Variants in ZBED3 observed in about 807,000 individuals in gnomAD.
ZBED3 encodes the protein zinc finger BED-type containing 3.
For synonymous variants in ZBED3, 175 were observed against 180.0 expected (o/e 0.97, Z 0.22); for missense variants, 388 against 362.9 (o/e 1.07, Z -0.56).
At chr5:77,086,593 T>C (rs1289295699) in intron 1 of ZBED3, 1 of 128,098 alleles carries the variant, frequency 7.8e-6, no homozygotes, top group Non-Finnish European at 1.6e-5. Context: ...CAGAAACTGC[T>C]CCAGCGGACT....
chr5:77,085,300 A>G (rs934169869), intron 1 of ZBED3, among the ~76,000 whole-genome samples: 1 of 152,258 alleles, frequency 6.6e-6, no homozygotes, highest in Admixed American at 6.5e-5. Flanking sequence ...AGGTATGACT[A>G]TAATATTGAG....
In ZBED3 at chr5:77,073,243, A is replaced by G. The variant is rs1404342076; in HGVS notation, c.*3931T>C. 2 of 152,204 alleles carry G rather than the reference A, an allele frequency of 1.3e-5. No homozygotes were observed. The highest frequency in any genetic ancestry group is 1.9e-4 in the East Asian group (1 of 5,200). The allele number at this position is 152,204 out of a possible 1,614,324, so 9.4% of individuals were successfully genotyped here. ...CAGGACATTCAGGCTCGCACTAGCC[A>G]TCTTTGAGGGAGTAGTTAAGATTCT... is the stretch of plus-strand genomic sequence containing the variant. On this transcript the variant is annotated 3_prime_UTR_variant, in exon 3 of 3. Transcript: ENST00000255198.
chr5:77,081,619 G>A (rs1743131266), intron 1 of ZBED3, among the ~76,000 whole-genome samples: 1 of 151,978 alleles, frequency 6.6e-6, no homozygotes, highest in Admixed American at 6.5e-5. Context: ...CAAAGTGCTG[G>A]GATTACAGTC....
chr5:77,073,644 C>T lies in ZBED3; in HGVS notation c.*3530G>A, dbSNP rs908850270. ...AAACCAAACAGTCCAATAACTGACG[C>T]ATTAAATCTTTATTGACTAAACAGC... On this transcript the variant is annotated 3_prime_UTR_variant, in exon 3 of 3. Transcript: ENST00000255198. 2 of 152,122 alleles carry T rather than the reference C, an allele frequency of 1.3e-5. No individual in the cohort carries two copies. The highest frequency in any genetic ancestry group is 4.8e-5 in the African/African-American group (2 of 41,396). The allele number at this position is 152,122 out of a possible 1,614,324, so 9.4% of individuals were successfully genotyped here.
chr5:77,074,033 A>C lies in ZBED3; in HGVS notation c.*3141T>G, dbSNP rs1330469152. 6.6e-6 allele frequency: 1 copy of C among 152,250 alleles called. No homozygotes were observed. The highest frequency in any genetic ancestry group is 1.5e-5 in the Non-Finnish European group (1 of 68,070). 9.4% of individuals were successfully genotyped at this position (152,250 alleles called of 1,614,324 possible). Reference sequence around the variant, plus strand: ...CATGTGTGGGATGTTTTTTGTATCGAGACTGAAGAGGCTTTTTAAAGTGGA... The same window carrying C: ...CATGTGTGGGATGTTTTTTGTATCGCGACTGAAGAGGCTTTTTAAAGTGGA... On this transcript the variant is annotated 3_prime_UTR_variant, in exon 3 of 3. Transcript: ENST00000255198.
In ZBED3 at chr5:77,075,417, A is replaced by C. The variant is rs1742955256; in HGVS notation, c.*1757T>G. 1 of 152,178 alleles carries C rather than the reference A, an allele frequency of 6.6e-6. No individual in the cohort carries two copies. 9.4% of individuals were successfully genotyped at this position (152,178 alleles called of 1,614,324 possible). A position where few individuals can be genotyped will look rare whatever the true frequency, so the allele number is the denominator to read the frequency against. On this transcript the variant is annotated 3_prime_UTR_variant, in exon 3 of 3. Coordinates refer to ENST00000255198, the MANE Select transcript of ZBED3 (RefSeq NM_032367.4). ...TTCTGGAGACAATTGTTGAATACTG[A>C]TTAAGGGCTCTGTATTAGAGGCTAT...
intron 1 of ZBED3, among the ~76,000 whole-genome samples, chr5:77,080,850 G>C (rs1743114338): frequency 6.6e-6 from 1 of 152,186 alleles, no homozygotes; most frequent in Non-Finnish European, 1.5e-5. Context: ...GAGTTAACGG[G>C]TGCAGCACAC....
At chr5:77,086,599 G>A (rs558359663) in intron 1 of ZBED3, 2 of 147,188 alleles carry the variant, frequency 1.4e-5, no homozygotes, top group East Asian at 2.1e-4. Flanking sequence ...CTGCTCCAGC[G>A]GACTCCGAAA....
At position 77,073,372 on chromosome 5, in the gene ZBED3, T is replaced by C. The variant is rs1453657372; in HGVS notation, c.*3802A>G. 6.6e-6 allele frequency: 1 copy of C among 152,178 alleles called. No individual in the cohort carries two copies. Among genetic ancestry groups the C allele is most frequent in the Non-Finnish European group, 1.5e-5 (1 of 68,028 alleles). The allele number at this position is 152,178 out of a possible 1,614,324, so 9.4% of individuals were successfully genotyped here. On this transcript the variant is annotated 3_prime_UTR_variant, in exon 3 of 3. Transcript: ENST00000255198. ...TTCTAAAAAGGAAATTCAGATCATC[T>C]AGCCCAATTTATAAATCCATATGAA...
rs1284032590 is a variant in ZBED3 at position 77,077,433 on chromosome 5, T to C, written c.446A>G (p.Glu149Gly). The C allele has an allele frequency of 8.2e-7, 1 of 1,220,766 alleles. No homozygotes were observed. The highest frequency in any genetic ancestry group is 1.0e-6 in the Non-Finnish European group (1 of 979,192). The allele number at this position is 1,220,766 out of a possible 1,614,324, so 75.6% of individuals were successfully genotyped here. A position where few individuals can be genotyped will look rare whatever the true frequency, so the allele number is the denominator to read the frequency against. ...LAVRGSRRER[E>G]LERRELAVEQ... is the part of the protein sequence containing the mutation. ...CACGGCCAGCTCGCGCCGCTCCAGC[T>C]CCCGCTCCCGCCGGCTGCCGCGCAC... Residue 149 changes from glutamate (E) to glycine (G), a missense_variant, in exon 3 of 3, where the codon GAG becomes GGG. Coordinates refer to ENST00000255198, the MANE Select transcript of ZBED3 (RefSeq NM_032367.4).
intron 1 of ZBED3, among the ~76,000 whole-genome samples, chr5:77,081,987 C>T (rs1743137597): frequency 1.3e-5 from 2 of 152,140 alleles, no homozygotes; most frequent in Non-Finnish European, 2.9e-5. Context: ...AAAATAGAGG[C>T]TGGGCTCGGT....
chr5:77,075,975 ATATATG>A lies in ZBED3; in HGVS notation c.*1193_*1198del, dbSNP rs1206934489. ...TATATATATATATATATGTATATGT[ATATATG>A]TATATATATATGTATATATGTATAT... On this transcript the variant is annotated 3_prime_UTR_variant, in exon 3 of 3. Coordinates refer to ENST00000255198, the MANE Select transcript of ZBED3 (RefSeq NM_032367.4). The A allele has an allele frequency of 5.8e-5, 2 of 34,402 alleles. No individual in the cohort carries two copies. The highest frequency in any genetic ancestry group is 2.8e-4 in the African/African-American group (2 of 7,030). The allele number at this position is 34,402 out of a possible 1,614,324, so 2.1% of individuals were successfully genotyped here.
In ZBED3 at chr5:77,077,814, C is replaced by A. The variant is rs1424672007; in HGVS notation, c.65G>T (p.Arg22Leu). 11 of 1,296,850 alleles carry A rather than the reference C, an allele frequency of 8.5e-6. No individual in the cohort carries two copies. The highest frequency in any genetic ancestry group is 1.1e-5 in the Non-Finnish European group (11 of 1,028,214). 80.3% of individuals were successfully genotyped at this position (1,296,850 alleles called of 1,614,324 possible). A position where few individuals can be genotyped will look rare whatever the true frequency, so the allele number is the denominator to read the frequency against. ...QARGLDDAAA[R>L]GGQCPGLGPA... Reference sequence around the variant, plus strand: ...CCCCAGTCCCGGACACTGACCGCCCCGCGCCGCCGCGTCGTCCAGCCCGCG... The same window carrying A: ...CCCCAGTCCCGGACACTGACCGCCCAGCGCCGCCGCGTCGTCCAGCCCGCG... The change falls in exon 3 of 3, where the codon CGG (arginine) becomes CTG (leucine). Residue 22 changes from arginine to leucine, a missense_variant. Coordinates refer to ENST00000255198, the MANE Select transcript of ZBED3 (RefSeq NM_032367.4).
Position 77,077,798 on chromosome 5 carries a change from C to A in ZBED3, c.81G>T (p.Pro27=). ...TCGGCGTCGGCGCCGGCCCCAGTCCCGGACACTGACCGCCCCGCGCCGCCG... is the reference window on the plus strand; with the variant it reads ...TCGGCGTCGGCGCCGGCCCCAGTCCAGGACACTGACCGCCCCGCGCCGCCG... ...DDAAARGGQC[P]GLGPAPTPTP... The change falls in exon 3 of 3, where the codon CCG becomes CCT. Residue 27 remains proline (P), a synonymous_variant. Transcript: ENST00000255198. 7.7e-7 allele frequency: 1 copy of A among 1,306,994 alleles called. No individual in the cohort carries two copies. Among genetic ancestry groups the A allele is most frequent in the South Asian group, 2.3e-5 (1 of 43,084 alleles). The allele number at this position is 1,306,994 out of a possible 1,614,324, so 81.0% of individuals were successfully genotyped here. A position where few individuals can be genotyped will look rare whatever the true frequency, so the allele number is the denominator to read the frequency against.
Position 77,077,743 on chromosome 5 carries a change from A to C in ZBED3, c.136T>G (p.Ser46Ala), listed in dbSNP as rs774283853. 7.5e-7 allele frequency: 1 copy of C among 1,333,874 alleles called. No individual in the cohort carries two copies. The highest frequency in any genetic ancestry group is 1.9e-5 in the South Asian group (1 of 51,958). 82.6% of individuals were successfully genotyped at this position (1,333,874 alleles called of 1,614,324 possible). A position where few individuals can be genotyped will look rare whatever the true frequency, so the allele number is the denominator to read the frequency against. ...AGGTGGAAGTAGCCCCAGGCCTCGG[A>C]GTATGGCGCCCCCAGGCGGCCGGGA... ...TPPGRLGAPY[S>A]EAWGYFHLAP... Residue 46 changes from serine to alanine, a missense_variant, in exon 3 of 3, where the codon TCC becomes GCC. Transcript: ENST00000255198.
rs1742978152 is a variant in ZBED3 at position 77,075,973 on chromosome 5, GTATATATGTATATATATATGTA to G, written c.*1179_*1200del. On this transcript the variant is annotated 3_prime_UTR_variant, in exon 3 of 3. Transcript: ENST00000255198. ...TATATATATATATATATATGTATAT[GTATATATGTATATATATATGTA>G]TATATGTATATATATATGTATATAT... 1.5e-4 allele frequency: 3 copies of G among 19,940 alleles called. 1 individual carries two copies. The highest frequency in any genetic ancestry group is 3.0e-4 in the Non-Finnish European group (3 of 9,942). 1.2% of individuals were successfully genotyped at this position (19,940 alleles called of 1,614,324 possible). A position where few individuals can be genotyped will look rare whatever the true frequency, so the allele number is the denominator to read the frequency against.
chr5:77,073,574 A>G lies in ZBED3; in HGVS notation c.*3600T>C, dbSNP rs576332423. 1 of 152,338 alleles carries G rather than the reference A, an allele frequency of 6.6e-6. No individual in the cohort carries two copies. Among genetic ancestry groups the G allele is most frequent in the Non-Finnish European group, 1.5e-5 (1 of 68,034 alleles). The allele number at this position is 152,338 out of a possible 1,614,324, so 9.4% of individuals were successfully genotyped here. ...AGGCAATACATTTTGTGTTACTTGT[A>G]TAATAAAAAAGTAGATTTACATACC... On this transcript the variant is annotated 3_prime_UTR_variant, in exon 3 of 3. Transcript: ENST00000255198.
intron 1 of ZBED3, among the ~76,000 whole-genome samples, chr5:77,084,483 A>G (rs1056729778): frequency 6.6e-6 from 1 of 152,166 alleles, no homozygotes; most frequent in African/African-American, 2.4e-5. Context: ...TTCCGCCATG[A>G]CTGTTAGGCC....
intron 1 of ZBED3, chr5:77,080,523 C>A (rs761390513): frequency 1.9e-6 from 1 of 519,064 alleles, no homozygotes; most frequent in East Asian, 5.4e-5. Flanking sequence ...AGGTCTTAAC[C>A]GGTGGAAGGC....
Sources: allele counts gnomAD v4.1 joint callset (sites outside exome capture counted in the v4.1 genomes callset), GRCh38; gene constraint gnomAD v4.1.1; transcripts MANE v1.5; gene names NCBI Gene and HGNC (gene_info 2026-07-23, HGNC 2026-07-21).